TRPC6: variants seen among roughly 807,000 people sequenced by gnomAD.
The protein encoded by TRPC6 is transient receptor potential cation channel subfamily C member 6.
A neutral mutation model predicts 90.7 loss-of-function variants in TRPC6; 55 were observed. The ratio of observed to expected loss-of-function variants is 0.61; its 90% CI spans 0.49 to 0.76. The LOEUF is 0.76. Ranked by LOEUF, TRPC6 falls within the 30% of genes least tolerant of loss-of-function variation. The probability of loss-of-function intolerance (pLI) is 0.00; values close to 1 mark genes in which losing one functional copy is unlikely to be tolerated. For synonymous variants in TRPC6, 393 were observed against 393.0 expected, an observed-to-expected ratio of 1.00 and a Z score of 0.00; for missense variants, 989 against 1,122.7, an observed-to-expected ratio of 0.88 and a Z score of 1.70.
intron 10 of TRPC6, among the ~76,000 whole-genome samples, chr11:101,465,638 C>G (rs1241784588): frequency 6.6e-6 from 1 of 152,180 alleles, no homozygotes; most frequent in Non-Finnish European, 1.5e-5. Context: ...TCAGCTCCAT[C>G]AGGTCATATA....
Position 101,583,403 on chromosome 11 carries a change from A to T in TRPC6, c.101T>A (p.Met34Lys), listed in dbSNP as rs758531773. 6.3e-6 allele frequency: 10 copies of T among 1,586,340 alleles called. No individual in the cohort carries two copies. In the Admixed American group the frequency reaches 1.6e-4, roughly 25 times the overall value. Residue 34 changes from methionine (M) to lysine (K), a missense_variant, in exon 1 of 13, where the codon ATG (methionine) becomes AAG (lysine). By Grantham distance (95) the Met-to-Lys change is moderately conservative (BLOSUM62 -1). Transcript: ENST00000344327. ...GCCGTCTTCTCCCAGCTCCGAGTCCATGAGCAGATAGTCCTGGCTCTCGTT... is the reference window on the plus strand; with the variant it reads ...GCCGTCTTCTCCCAGCTCCGAGTCCTTGAGCAGATAGTCCTGGCTCTCGTT... ...RRNESQDYLL[M>K]DSELGEDGCP...
chr11:101,469,994 G>A (rs1419244516), intron 9 of TRPC6, among the ~76,000 whole-genome samples: 3 of 152,154 alleles, frequency 2.0e-5, no homozygotes, highest in African/African-American at 7.2e-5. Flanking sequence ...ACCCTAAATA[G>A]TAAATGGGAA....
chr11:101,537,075 T>C (rs191246568), intron 1 of TRPC6, among the ~76,000 whole-genome samples: 16 of 152,360 alleles, frequency 1.1e-4, no homozygotes, highest in Non-Finnish European at 4.4e-5. Context: ...TCTGGGGTTA[T>C]AGTGCTGCCA....
chr11:101,572,167 T>C (rs1324833950), intron 1 of TRPC6, among the ~76,000 whole-genome samples: 2 of 150,992 alleles, frequency 1.3e-5, no homozygotes, highest in Non-Finnish European at 3.0e-5. Flanking sequence ...CTTAAGCAAA[T>C]TTACAAGAAA....
At chr11:101,478,955 G>A (rs964145038) in intron 5 of TRPC6, among the ~76,000 whole-genome samples, 1 of 152,138 alleles carries the variant, frequency 6.6e-6, no homozygotes, top group African/African-American at 2.4e-5. Flanking sequence ...CCATGAAACT[G>A]AAGCTTCAAG....
At chr11:101,555,991 A>C (rs572836134) in intron 1 of TRPC6, among the ~76,000 whole-genome samples, 1 of 152,290 alleles carries the variant, frequency 6.6e-6, no homozygotes, top group East Asian at 1.9e-4. Context: ...TGGAAGATTA[A>C]AAGGGGGATT....
chr11:101,510,960 G>T (rs1009066115), intron 1 of TRPC6, among the ~76,000 whole-genome samples: 1 of 152,080 alleles, frequency 6.6e-6, no homozygotes, highest in Non-Finnish European at 1.5e-5. Context: ...ATTTTAAAGC[G>T]CAATTCTATT....
chr11:101,488,808 T>C, intron 4 of TRPC6, 129 bp downstream of exon 4: 1 of 982,736 alleles, frequency 1.0e-6, no homozygotes. Context: ...TATTTTGTAA[T>C]GTTAAAAACA....
Position 101,540,451 on chromosome 11 carries a change from A to G in TRPC6, c.171-35653T>C, listed in dbSNP as rs1004888265. The stretch of plus-strand genomic sequence containing the variant: ...TCACAGCGTATTTTTAAAGTATTTT[A>G]TCCTTTGCATTTCCTGGGCATATGT... On this transcript the variant is annotated intron_variant, in intron 1 of 12. Coordinates refer to ENST00000344327, the MANE Select transcript of TRPC6 (RefSeq NM_004621.6). Among the ~76,000 whole-genome samples, 4 of 152,344 alleles carry G rather than the reference A, an allele frequency of 2.6e-5. No individual in the cohort carries two copies. The East Asian group carries it at 7.7e-4, about 29-fold the overall frequency.
chr11:101,512,752 G>A (rs1860423203), intron 1 of TRPC6, among the ~76,000 whole-genome samples: 1 of 152,056 alleles, frequency 6.6e-6, no homozygotes, highest in Non-Finnish European at 1.5e-5. Flanking sequence ...GAGTACTCTT[G>A]GGAATATTAA....
At chr11:101,565,940 A>T (rs1469354503) in intron 1 of TRPC6, among the ~76,000 whole-genome samples, 1 of 152,164 alleles carries the variant, frequency 6.6e-6, no homozygotes, top group Non-Finnish European at 1.5e-5. Flanking sequence ...TCCAGTGTAC[A>T]TGTTTAGACA....
In TRPC6 at chr11:101,451,702, A is replaced by AAAG. The variant is rs1208852703; in HGVS notation, c.*1250_*1252dup. 2 of 152,236 alleles carry AAAG rather than the reference A, an allele frequency of 1.3e-5. No homozygotes were observed. Among genetic ancestry groups the AAAG allele is most frequent in the African/African-American group, 4.8e-5 (2 of 41,468 alleles). 9.4% of individuals were successfully genotyped at this position (152,236 alleles called of 1,614,324 possible). On this transcript the variant is annotated 3_prime_UTR_variant, in exon 13 of 13. Coordinates refer to ENST00000344327, the MANE Select transcript of TRPC6 (RefSeq NM_004621.6). Reference sequence around the variant, plus strand: ...AATGTTCTTTGATTTAAATTAAGCCAAAGTTGGAGCTAAACAGATTTTCTG... The same window carrying AAAG: ...AATGTTCTTTGATTTAAATTAAGCCAAAGAAGTTGGAGCTAAACAGATTTTCTG...
chr11:101,574,536 A>G (rs950337671), intron 1 of TRPC6, among the ~76,000 whole-genome samples: 1 of 151,160 alleles, frequency 6.6e-6, no homozygotes, highest in Middle Eastern at 3.2e-3. Context: ...AACTTAAACA[A>G]ATGTTTGTTG....
chr11:101,524,247 T>G (rs1860724884), intron 1 of TRPC6, among the ~76,000 whole-genome samples: 1 of 152,014 alleles, frequency 6.6e-6, no homozygotes, highest in African/African-American at 2.4e-5. Flanking sequence ...AATCAGGCCA[T>G]TTTTTTATTT....
chr11:101,538,380 A>G (rs1861099687), intron 1 of TRPC6, among the ~76,000 whole-genome samples: 1 of 152,118 alleles, frequency 6.6e-6, no homozygotes, highest in African/African-American at 2.4e-5. Flanking sequence ...TAATGTCACA[A>G]AGCTCCCTCT....
intron 10 of TRPC6, among the ~76,000 whole-genome samples, chr11:101,466,695 C>A (rs1037659388): frequency 2.0e-5 from 3 of 152,190 alleles, no homozygotes; most frequent in African/African-American, 4.8e-5. Context: ...GGCTTCAGCC[C>A]CCTTTCCAGG....
intron 1 of TRPC6, among the ~76,000 whole-genome samples, chr11:101,559,238 A>T (rs58546739): frequency 0.029 from 4,454 of 152,288 alleles, 214 homozygotes; most frequent in African/African-American, 0.088. Context: ...CCAAATGGCC[A>T]GAGATATTTT....
chr11:101,531,993 G>C (rs1297624927), intron 1 of TRPC6, among the ~76,000 whole-genome samples: 1 of 152,288 alleles, frequency 6.6e-6, no homozygotes, highest in East Asian at 1.9e-4. Context: ...GGCAAGAAGT[G>C]TCCTGAGGCA....
intron 1 of TRPC6, among the ~76,000 whole-genome samples, chr11:101,570,307 C>G (rs767195373): frequency 2.0e-5 from 3 of 152,176 alleles, no homozygotes; most frequent in Non-Finnish European, 4.4e-5. Context: ...CATACACCCT[C>G]CCAAGACTAA....
Sources: gnomAD v4.1 joint callset for allele counts (sites outside exome capture counted in the v4.1 genomes callset) on GRCh38, gnomAD v4.1.1 for gene constraint, MANE v1.5 for transcripts, NCBI Gene and HGNC (gene_info 2026-07-23, HGNC 2026-07-21) for gene names.